The following SNTG1 variants were observed in gnomAD, a reference collection of about 807,000 sequenced individuals.
The protein encoded by SNTG1 is gamma-1-syntrophin.
In SNTG1, 39 loss-of-function variants were observed where a neutral mutation model predicts 74.7. The observed-to-expected ratio is 0.52, with a 90% confidence interval of 0.40 to 0.68. The LOEUF (loss-of-function observed/expected upper bound fraction) is 0.68, where lower values mean the gene tolerates loss of function less well. Among genes scored for constraint, SNTG1 ranks in the 30% least tolerant of loss-of-function variants. The probability of loss-of-function intolerance (pLI) is 0.00; values close to 1 mark genes in which losing one functional copy is unlikely to be tolerated. For missense variants in SNTG1, 685 were observed against 609.5 expected, an observed-to-expected ratio of 1.12 and a Z score of -1.30; for synonymous variants, 254 against 217.1, an observed-to-expected ratio of 1.17 and a Z score of -1.49.
At chr8:50,719,291 G>A (rs1447086398) in intron 17 of SNTG1, among the ~76,000 whole-genome samples, 2 of 152,146 alleles carry the variant, frequency 1.3e-5, no homozygotes, top group Non-Finnish European at 2.9e-5. Flanking sequence ...GTCCTCATGA[G>A]TGGAATTAGT....
At chr8:50,751,564 G>A (rs192227858) in intron 17 of SNTG1, among the ~76,000 whole-genome samples, 1 of 152,080 alleles carries the variant, frequency 6.6e-6, no homozygotes, top group African/African-American at 2.4e-5. Flanking sequence ...TCTCATGAAA[G>A]CACCATGTCA....
At chr8:50,010,908 C>T (rs1348860894) in intron 1 of SNTG1, among the ~76,000 whole-genome samples, 7 of 147,820 alleles carry the variant, frequency 4.7e-5, no homozygotes, top group African/African-American at 1.2e-4. Context: ...CTATATTTTA[C>T]GTCTTCATAT....
chr8:50,482,478 A>T (rs1056120485), intron 8 of SNTG1, among the ~76,000 whole-genome samples: 7 of 152,228 alleles, frequency 4.6e-5, no homozygotes, highest in African/African-American at 1.7e-4. Flanking sequence ...AAAGTATTAC[A>T]TGTGAGTTCT....
intron 1 of SNTG1, among the ~76,000 whole-genome samples, chr8:50,122,994 C>A (rs2131364134): frequency 7.0e-6 from 1 of 142,806 alleles, no homozygotes; most frequent in East Asian, 2.0e-4. Flanking sequence ...CTCATAACTT[C>A]TAGCATACTG....
At chr8:50,607,371 T>A (rs1378985611) in intron 13 of SNTG1, among the ~76,000 whole-genome samples, 1 of 144,248 alleles carries the variant, frequency 6.9e-6, no homozygotes, top group African/African-American at 2.8e-5. Context: ...TTTTAACTAT[T>A]TTTTTTTTGT....
At chr8:50,495,239 T>G (rs1323647583) in intron 8 of SNTG1, among the ~76,000 whole-genome samples, 1 of 152,096 alleles carries the variant, frequency 6.6e-6, no homozygotes, top group East Asian at 1.9e-4. Context: ...TACATATTTA[T>G]GAAGTATTTT....
chr8:50,268,823 A>AT (rs1050706571), intron 2 of SNTG1, among the ~76,000 whole-genome samples: 2 of 151,692 alleles, frequency 1.3e-5, no homozygotes, highest in African/African-American at 4.8e-5. Flanking sequence ...CACCCAGCTA[A>AT]TTTTTTTGTA....
At chr8:50,788,907 G>T (rs915533547) in intron 18 of SNTG1, among the ~76,000 whole-genome samples, 3 of 151,890 alleles carry the variant, frequency 2.0e-5, no homozygotes, top group Admixed American at 1.3e-4. Context: ...TTTTGCACCA[G>T]ATCTCACCCT....
intron 8 of SNTG1, among the ~76,000 whole-genome samples, chr8:50,489,861 T>C (rs1003529277): frequency 6.6e-6 from 1 of 152,192 alleles, no homozygotes; most frequent in African/African-American, 2.4e-5. Context: ...ATGTCCTGAC[T>C]GGTATTGCCT....
At chr8:49,931,679 T>G (rs972396047) in intron 1 of SNTG1, among the ~76,000 whole-genome samples, 2 of 152,164 alleles carry the variant, frequency 1.3e-5, no homozygotes, top group African/African-American at 4.8e-5. Flanking sequence ...TCGGTATGTA[T>G]TCACACACTA....
At chr8:50,727,938 T>G (rs2095504096) in intron 17 of SNTG1, among the ~76,000 whole-genome samples, 1 of 152,172 alleles carries the variant, frequency 6.6e-6, no homozygotes, top group African/African-American at 2.4e-5. Flanking sequence ...GGTGACTCCT[T>G]AAACTGTTTA....
chr8:50,353,225 A>G (rs1340510523), intron 2 of SNTG1, among the ~76,000 whole-genome samples: 1 of 131,952 alleles, frequency 7.6e-6, no homozygotes, highest in Admixed American at 8.5e-5. Flanking sequence ...TGGACACAGG[A>G]AGGGGAACAT....
chr8:50,384,135 C>G (rs1042657099), intron 2 of SNTG1, among the ~76,000 whole-genome samples: 2 of 152,102 alleles, frequency 1.3e-5, no homozygotes, highest in Non-Finnish European at 1.5e-5. Context: ...TGAACATATA[C>G]AGCTTCCTGG....
intron 2 of SNTG1, among the ~76,000 whole-genome samples, chr8:50,365,750 GTTGA>G (rs2092090337): frequency 6.6e-6 from 1 of 152,054 alleles, no homozygotes; most frequent in Non-Finnish European, 1.5e-5. Context: ...AATTATAAGT[GTTGA>G]TTAAGAACTC....
intron 2 of SNTG1, among the ~76,000 whole-genome samples, chr8:50,277,614 T>C (rs1006713539): frequency 5.9e-5 from 9 of 152,284 alleles, no homozygotes; most frequent in Admixed American, 5.9e-4. Flanking sequence ...GATCTTACAT[T>C]GGTATAAATA....
At chr8:50,296,414 C>T (rs1263094822) in intron 2 of SNTG1, among the ~76,000 whole-genome samples, 6 of 152,128 alleles carry the variant, frequency 3.9e-5, no homozygotes, top group Non-Finnish European at 8.8e-5. Flanking sequence ...ACATATACAC[C>T]ATGGAATACT....
chr8:50,539,781 A>C (rs888812767), intron 11 of SNTG1, among the ~76,000 whole-genome samples: 2 of 152,208 alleles, frequency 1.3e-5, no homozygotes, highest in Non-Finnish European at 2.9e-5. Flanking sequence ...GCTTCTTGCT[A>C]AGCCCTGCTG....
intron 1 of SNTG1, among the ~76,000 whole-genome samples, chr8:50,024,733 G>GTC (rs1170043115): frequency 6.6e-6 from 1 of 152,064 alleles, no homozygotes; most frequent in African/African-American, 2.4e-5. Flanking sequence ...AGTGAACGTT[G>GTC]TCTCTCTCTC....
At chr8:50,603,782 A>C (rs560708235) in intron 13 of SNTG1, among the ~76,000 whole-genome samples, 1 of 152,256 alleles carries the variant, frequency 6.6e-6, no homozygotes, top group African/African-American at 2.4e-5. Context: ...GGTTTTCAGA[A>C]AGACATTTTT....
Sources: allele counts gnomAD v4.1 joint callset (sites outside exome capture counted in the v4.1 genomes callset), GRCh38; gene constraint gnomAD v4.1.1; transcripts MANE v1.5; gene names NCBI Gene and HGNC (gene_info 2026-07-23, HGNC 2026-07-21).